The following CABCOCO1 variants were observed in gnomAD, a reference collection of about 807,000 sequenced individuals.
CABCOCO1 encodes the protein ciliary-associated calcium-binding coiled-coil protein 1.
Under a neutral mutation model 35.7 loss-of-function variants are expected in CABCOCO1, and 28 were observed. That is an observed-to-expected ratio of 0.78 (90% CI 0.58 to 1.07). The LOEUF (loss-of-function observed/expected upper bound fraction) is 1.07, where lower values mean the gene tolerates loss of function less well. Among genes scored for constraint, CABCOCO1 ranks in the 50% least tolerant of loss-of-function variants. CABCOCO1 has a pLI of 0.00. For synonymous variants in CABCOCO1, 95 were observed against 100.1 expected, an observed-to-expected ratio of 0.95 and a Z score of 0.30; for missense variants, 326 against 309.2, an observed-to-expected ratio of 1.05 and a Z score of -0.41.
chr10:61,697,911 A>G (rs1840338581), intron 5 of CABCOCO1, among the ~76,000 whole-genome samples: 1 of 152,134 alleles, frequency 6.6e-6, no homozygotes, highest in Non-Finnish European at 1.5e-5. Context: ...TTAAAATTTC[A>G]ATATAAACTA....
At chr10:61,725,909 A>G (rs1344684414) in intron 5 of CABCOCO1, among the ~76,000 whole-genome samples, 2 of 152,170 alleles carry the variant, frequency 1.3e-5, no homozygotes, top group African/African-American at 4.8e-5. Flanking sequence ...CCAAGAAAAA[A>G]AAAGAAAGAA....
At chr10:61,720,825 C>T (rs2132040658) in intron 5 of CABCOCO1, among the ~76,000 whole-genome samples, 1 of 151,904 alleles carries the variant, frequency 6.6e-6, no homozygotes, top group East Asian at 1.9e-4. Context: ...CTGGTAAGCA[C>T]CCGTGTACAA....
intron 5 of CABCOCO1, among the ~76,000 whole-genome samples, chr10:61,753,399 T>A (rs1011410924): frequency 9.9e-5 from 15 of 152,222 alleles, no homozygotes; most frequent in African/African-American, 3.4e-4. Flanking sequence ...GAACCATACT[T>A]TTCCATCTCT....
At chr10:61,686,020 T>G (rs1175953467) in intron 3 of CABCOCO1, 21 bp from the exon 4 acceptor site, 2 of 1,574,554 alleles carry the variant, frequency 1.3e-6, no homozygotes, top group Non-Finnish European at 1.7e-6. Context: ...ATAATTAAGA[T>G]TTCTCTGGAT....
Position 61,765,951 on chromosome 10 carries a change from G to A in CABCOCO1, c.829G>A (p.Glu277Lys), listed in dbSNP as rs376865516. 5 of 1,612,832 alleles carry A rather than the reference G, an allele frequency of 3.1e-6. No individual in the cohort carries two copies. The highest frequency in any genetic ancestry group is 2.7e-5 in the African/African-American group (2 of 74,894). ...ATTGTCTTCACAGACCGAGATAAAC[G>A]AAAAACTGCAAATACAGGAAGAGGC... ...ILIGIQTEIN[E>K]KLQIQEEAFN... The change falls in exon 8 of 8, where the codon GAA becomes AAA. Residue 277 changes from glutamate to lysine, a missense_variant. By Grantham distance (56) the Glu-to-Lys change is moderately conservative. Coordinates refer to ENST00000648843, the MANE Select transcript of CABCOCO1 (RefSeq NM_001366906.2).
chr10:61,729,428 T>C (rs181301866), intron 5 of CABCOCO1, among the ~76,000 whole-genome samples: 1 of 152,144 alleles, frequency 6.6e-6, no homozygotes, highest in African/African-American at 2.4e-5. Flanking sequence ...GATAAACACC[T>C]CACACTCGTC....
intron 5 of CABCOCO1, among the ~76,000 whole-genome samples, chr10:61,753,638 AAG>A (rs1254107846): frequency 6.6e-6 from 1 of 152,128 alleles, no homozygotes; most frequent in African/African-American, 2.4e-5. Context: ...ACAAAAGATA[AAG>A]AGAGTGATAA....
At chr10:61,728,731 A>C (rs944634618) in intron 5 of CABCOCO1, among the ~76,000 whole-genome samples, 3 of 152,170 alleles carry the variant, frequency 2.0e-5, no homozygotes, top group African/African-American at 7.2e-5. Flanking sequence ...GAGACTAGCG[A>C]GATGGAGCTT....
chr10:61,664,376 T>C (rs1193478225), intron 1 of CABCOCO1, among the ~76,000 whole-genome samples: 2 of 152,176 alleles, frequency 1.3e-5, no homozygotes, highest in Non-Finnish European at 2.9e-5. Context: ...AGACTGATCA[T>C]TTGGGGGTTT....
At chr10:61,708,100 C>G (rs561566469) in intron 5 of CABCOCO1, among the ~76,000 whole-genome samples, 1 of 151,704 alleles carries the variant, frequency 6.6e-6, no homozygotes, top group East Asian at 1.9e-4. Context: ...CATTTGCAAT[C>G]TATTACTACA....
At chr10:61,672,910 C>T (rs1289879346) in intron 2 of CABCOCO1, among the ~76,000 whole-genome samples, 175 bp downstream of exon 2, 1 of 152,182 alleles carries the variant, frequency 6.6e-6, no homozygotes, top group Non-Finnish European at 1.5e-5. Flanking sequence ...TTTGGCACTA[C>T]TCAACAGTCT....
chr10:61,759,799 A>G (rs1841968591), intron 5 of CABCOCO1, among the ~76,000 whole-genome samples: 1 of 152,024 alleles, frequency 6.6e-6, no homozygotes. Flanking sequence ...AACAGTTAAG[A>G]ACGAGGAGAT....
chr10:61,699,181 G>A (rs1255808020), intron 5 of CABCOCO1, among the ~76,000 whole-genome samples: 2 of 152,108 alleles, frequency 1.3e-5, no homozygotes, highest in Non-Finnish European at 2.9e-5. Context: ...CCTGGCATGT[G>A]TGACTAACTG....
intron 5 of CABCOCO1, among the ~76,000 whole-genome samples, chr10:61,734,118 T>C (rs1193651375): frequency 6.6e-6 from 1 of 152,026 alleles, no homozygotes; most frequent in Non-Finnish European, 1.5e-5. Context: ...ACGTATTTAT[T>C]TCAAAATAAT....
In CABCOCO1 at chr10:61,682,889, CTTT is replaced by C. The variant is rs71018993; in HGVS notation, c.334+1590_334+1592del. ...CCAGGAGTTAGTTTCACATGAATTT[CTTT>C]TTTTTTTTTTTTAAGACAGATTGTC... is the stretch of plus-strand genomic sequence containing the variant. On this transcript the variant is annotated intron_variant, in intron 3 of 7. Coordinates refer to ENST00000648843, the MANE Select transcript of CABCOCO1 (RefSeq NM_001366906.2). Among the ~76,000 whole-genome samples the C allele has an allele frequency of 3.8e-4, 49 of 128,182 alleles. 1 individual carries two copies. The highest frequency in any genetic ancestry group is 6.4e-4 in the Non-Finnish European group (40 of 62,382). 84.1% of individuals were successfully genotyped at this position (128,182 alleles called of 152,430 possible).
At chr10:61,740,544 G>A (rs1403837316) in intron 5 of CABCOCO1, among the ~76,000 whole-genome samples, 8 of 152,146 alleles carry the variant, frequency 5.3e-5, no homozygotes, top group Non-Finnish European at 1.2e-4. Context: ...AAAAACCAAA[G>A]TGCAAATGAA....
intron 5 of CABCOCO1, among the ~76,000 whole-genome samples, chr10:61,748,147 A>G (rs1841704099): frequency 6.9e-6 from 1 of 145,676 alleles, no homozygotes; most frequent in African/African-American, 2.6e-5. Flanking sequence ...GGTGAAGAGC[A>G]GGGAGATACG....
intron 5 of CABCOCO1, among the ~76,000 whole-genome samples, chr10:61,751,102 G>T (rs999694675): frequency 6.6e-6 from 1 of 150,620 alleles, no homozygotes; most frequent in Non-Finnish European, 1.5e-5. Flanking sequence ...GGCCTGGCAG[G>T]ATGCAGGGAA....
At chr10:61,749,264 A>G (rs1841730329) in intron 5 of CABCOCO1, among the ~76,000 whole-genome samples, 1 of 152,190 alleles carries the variant, frequency 6.6e-6, no homozygotes, top group Admixed American at 6.5e-5. Flanking sequence ...TGGTCACACG[A>G]CCATCCTCAT....
Sources: gnomAD v4.1 joint callset for allele counts (sites outside exome capture counted in the v4.1 genomes callset) on GRCh38, gnomAD v4.1.1 for gene constraint, MANE v1.5 for transcripts, NCBI Gene and HGNC (gene_info 2026-07-23, HGNC 2026-07-21) for gene names.